TBC1D31: variants seen among roughly 807,000 people sequenced by gnomAD.
TBC1D31 encodes TBC1 domain family member 31, also known as WD repeat domain 67.
Under a neutral mutation model 132.9 loss-of-function variants are expected in TBC1D31, and 99 were observed. The observed-to-expected ratio is 0.74, with a 90% CI of 0.63 to 0.88. The LOEUF is 0.88. Among genes scored for constraint, TBC1D31 ranks in the 40% least tolerant of loss-of-function variants. The pLI, the probability that TBC1D31 is intolerant of heterozygous loss-of-function variation, is 0.00. For missense variants in TBC1D31, 1,134 were observed against 1,256.6 expected (o/e 0.90, Z 1.48); for synonymous variants, 385 against 419.4 (o/e 0.92, Z 1.00).
chr8:123,084,067 AC>A (rs1815465835), intron 3 of TBC1D31, 94 bp from the exon 4 acceptor site: 15 of 1,045,816 alleles, frequency 1.4e-5, no homozygotes, highest in Non-Finnish European at 2.0e-5. Context: ...ATACCTAACC[AC>A]CCATTGCATC....
At chr8:123,116,623 A>C (rs1032811932) in intron 10 of TBC1D31, among the ~76,000 whole-genome samples, 1 of 152,150 alleles carries the variant, frequency 6.6e-6, no homozygotes, top group African/African-American at 2.4e-5. Context: ...AGAAGGCCTA[A>C]CAATGACACC....
At chr8:123,157,313 G>C in the TBC1D31 span, among the ~76,000 whole-genome samples, 4 of 152,116 alleles carry the variant, frequency 2.6e-5, no homozygotes, top group African/African-American at 9.7e-5. Context: ...ACCTAGTAAG[G>C]GTTTCCGGAC....
intron 4 of TBC1D31, among the ~76,000 whole-genome samples, chr8:123,085,545 C>T (rs768168073): frequency 6.6e-6 from 1 of 152,194 alleles, no homozygotes; most frequent in Middle Eastern, 3.4e-3. Flanking sequence ...CACCATTCTC[C>T]TGCCTCAGCC....
chr8:123,124,604 T>C (rs2130756373), intron 11 of TBC1D31, among the ~76,000 whole-genome samples: 1 of 152,178 alleles, frequency 6.6e-6, no homozygotes, highest in Non-Finnish European at 1.5e-5. Flanking sequence ...TAACAAGTAC[T>C]CAGGTGCTGA....
chr8:123,140,130 C>A (rs1016639552), intron 17 of TBC1D31, among the ~76,000 whole-genome samples: 1 of 152,164 alleles, frequency 6.6e-6, no homozygotes, highest in African/African-American at 2.4e-5. Context: ...GAGGCCGAGG[C>A]AGGCCGATCA....
chr8:123,140,212 G>A (rs763268539), intron 17 of TBC1D31, among the ~76,000 whole-genome samples: 1 of 152,064 alleles, frequency 6.6e-6, no homozygotes, highest in Non-Finnish European at 1.5e-5. Flanking sequence ...ATACAAAAAA[G>A]TTAACCAGGT....
rs6998211 is a variant in TBC1D31, at chr8:123,139,424, G to A, written c.2500-1337G>A. On this transcript the variant is annotated intron_variant, in intron 17 of 21. Coordinates refer to ENST00000287380, the MANE Select transcript of TBC1D31 (RefSeq NM_145647.4). ...ATTTTGAAAGTCCCTATTCTTTGTT[G>A]TATATAACCACTGATGTCTCTACTC... 3.2e-3 allele frequency among the ~76,000 whole-genome samples: 481 copies of A among 152,176 alleles called. 2 individuals carry two copies. Among genetic ancestry groups the A allele is most frequent in the African/African-American group, 0.011 (461 of 41,512 alleles).
At chr8:123,098,817 G>A (rs991825636) in intron 6 of TBC1D31, among the ~76,000 whole-genome samples, 1 of 152,196 alleles carries the variant, frequency 6.6e-6, no homozygotes, top group South Asian at 2.1e-4. Flanking sequence ...GTGGCATAAA[G>A]GTTATGTGCA....
intron 20 of TBC1D31, among the ~76,000 whole-genome samples, chr8:123,149,276 T>G (rs1822553585): frequency 6.6e-6 from 1 of 152,176 alleles, no homozygotes; most frequent in African/African-American, 2.4e-5. Flanking sequence ...TCACATTACT[T>G]TAATGACTCA....
chr8:123,094,531 A>G (rs1378704991), intron 5 of TBC1D31, among the ~76,000 whole-genome samples: 3 of 151,170 alleles, frequency 2.0e-5, no homozygotes, highest in Non-Finnish European at 4.4e-5. Flanking sequence ...TTATTTATTT[A>G]TTTATTTATT....
intron 20 of TBC1D31, among the ~76,000 whole-genome samples, chr8:123,145,060 A>G (rs1367919112): frequency 6.6e-6 from 1 of 151,962 alleles, no homozygotes; most frequent in African/African-American, 2.4e-5. Context: ...AGTAGCTGGG[A>G]CCATAGGCGT....
At chr8:123,075,825 A>G (rs986481275) in intron 1 of TBC1D31, among the ~76,000 whole-genome samples, 1 of 152,236 alleles carries the variant, frequency 6.6e-6, no homozygotes, top group South Asian at 2.1e-4. Flanking sequence ...ACGAGAATAT[A>G]CGCACATATA....
chr8:123,130,607 T>C (rs1331435925), intron 16 of TBC1D31, among the ~76,000 whole-genome samples: 1 of 151,834 alleles, frequency 6.6e-6, no homozygotes, highest in South Asian at 2.1e-4. Flanking sequence ...CATTAAGTTA[T>C]TTTTTCTTTT....
chr8:123,139,849 G>A (rs1316017865), intron 17 of TBC1D31, among the ~76,000 whole-genome samples: 7 of 152,162 alleles, frequency 4.6e-5, no homozygotes, highest in Non-Finnish European at 7.3e-5. Flanking sequence ...TCAACAGTTT[G>A]CTCTAATTGT....
downstream of TBC1D31, among the ~76,000 whole-genome samples, chr8:123,154,685 A>T (rs1319261797): frequency 6.6e-6 from 1 of 152,210 alleles, no homozygotes; most frequent in Non-Finnish European, 1.5e-5. Context: ...TACTGCTGGC[A>T]TGAGACCCGG....
intron 2 of TBC1D31, among the ~76,000 whole-genome samples, chr8:123,082,322 C>A (rs917947653): frequency 4.6e-5 from 7 of 151,970 alleles, no homozygotes; most frequent in African/African-American, 1.7e-4. Context: ...CATGTTGAAT[C>A]CATACCGAAC....
chr8:123,101,228 G>A (rs1203530799), intron 7 of TBC1D31: 1 of 445,564 alleles, frequency 2.2e-6, no homozygotes, highest in African/African-American at 2.0e-5. Flanking sequence ...ATCTCCGTTT[G>A]ATGTCTCTCA....
At chr8:123,136,609 C>A (rs752736960) in intron 17 of TBC1D31, among the ~76,000 whole-genome samples, 4 of 152,116 alleles carry the variant, frequency 2.6e-5, no homozygotes, top group Admixed American at 6.5e-5. Context: ...CACCACCGCA[C>A]CTGGCTAATT....
chr8:123,110,381 A>C (rs1818331279), intron 10 of TBC1D31, among the ~76,000 whole-genome samples: 1 of 152,144 alleles, frequency 6.6e-6, no homozygotes, highest in Non-Finnish European at 1.5e-5. Flanking sequence ...CCTGCTTTTC[A>C]TGTGTTAGGC....
Sources: allele counts gnomAD v4.1 joint callset (sites outside exome capture counted in the v4.1 genomes callset), GRCh38; gene constraint gnomAD v4.1.1; transcripts MANE v1.5; gene names NCBI Gene and HGNC (gene_info 2026-07-23, HGNC 2026-07-21).